Variants in RRAS2 observed in about 807,000 individuals in gnomAD.
RRAS2 encodes the protein RAS related 2.
Under a neutral mutation model 27.6 loss-of-function variants are expected in RRAS2, and 7 were observed. The ratio of observed to expected loss-of-function variants is 0.25; its 90% CI spans 0.14 to 0.48. The LOEUF is 0.48. RRAS2 is among the 20% of genes least tolerant of loss of function. RRAS2 has a pLI of 0.99. For missense variants in RRAS2, 178 were observed against 256.2 expected, an observed-to-expected ratio of 0.69 and a Z score of 2.08; for synonymous variants, 86 against 90.9, an observed-to-expected ratio of 0.95 and a Z score of 0.31.
intron 1 of RRAS2, among the ~76,000 whole-genome samples, chr11:14,328,696 C>T (rs1316769096): frequency 1.3e-5 from 2 of 151,272 alleles, no homozygotes; most frequent in Non-Finnish European, 2.9e-5. Context: ...AAGAGTTTCG[C>T]TCTTGTTGCC....
chr11:14,294,800 C>T lies in RRAS2; in HGVS notation c.259G>A (p.Glu87Lys), dbSNP rs1554946335. 5.6e-6 allele frequency: 9 copies of T among 1,613,752 alleles called. No individual in the cohort carries two copies. Among genetic ancestry groups the T allele is most frequent in the South Asian group, 2.2e-5 (2 of 91,064 alleles). Residue 87 changes from glutamate (E) to lysine (K), a missense_variant, in exon 3 of 6, where the codon GAA (glutamate) becomes AAA (lysine). Coordinates refer to ENST00000256196, the MANE Select transcript of RRAS2 (RefSeq NM_012250.6). ...ACTGAAAAGACCAACAGGAAGCCTT[C>T]GCCAGTCCTCATATACTGTTCTCTC... is the stretch of plus-strand genomic sequence containing the variant. ...AMREQYMRTG[E>K]GFLLVFSVTD...
At position 14,352,777 on chromosome 11, in the gene RRAS2, A is replaced by AGG. The variant is rs1373269092; in HGVS notation, c.108+5985_108+5986insCC. Among the ~76,000 whole-genome samples the AGG allele has an allele frequency of 2.0e-5, 3 of 148,786 alleles. No individual in the cohort carries two copies. The East Asian group carries it at 5.9e-4, about 29-fold the overall frequency. On this transcript the variant is annotated intron_variant, in intron 1 of 5. Transcript: ENST00000256196. ...TATATAGAGAGAGAGAGAGAGAGAG[A>AGG]GAGGGAGAGAGAGAGAGAGAGACAT...
chr11:14,292,714 C>G (rs535014692), intron 4 of RRAS2, among the ~76,000 whole-genome samples: 1 of 152,238 alleles, frequency 6.6e-6, no homozygotes, highest in South Asian at 2.1e-4. Flanking sequence ...TTTTTTCACT[C>G]TAACTTTATA....
At position 14,347,406 on chromosome 11, in the gene RRAS2, C is replaced by CA. The variant is rs782622778; in HGVS notation, c.108+11356dup. ...CAATTTTGGTTGTTGTAAATAAGGA[C>CA]AAAAAATGTACGAAAGGAGTGGGTA... On this transcript the variant is annotated intron_variant, in intron 1 of 5. Transcript: ENST00000256196. Among the ~76,000 whole-genome samples the CA allele has an allele frequency of 2.0e-4, 30 of 151,922 alleles. 1 individual carries two copies. Among genetic ancestry groups the CA allele is most frequent in the Non-Finnish European group, 4.3e-4 (29 of 67,972 alleles).
At chr11:14,354,758 C>T (rs562132567) in intron 1 of RRAS2, among the ~76,000 whole-genome samples, 6 of 146,196 alleles carry the variant, frequency 4.1e-5, no homozygotes, top group Non-Finnish European at 7.4e-5. Flanking sequence ...CTCACTGCGA[C>T]CTCCACCTCC....
Position 14,333,681 on chromosome 11 carries a change from G to A in RRAS2, c.108+25082C>T, listed in dbSNP as rs1032787515. ...TTTTTTTTGGAGACAGGTCTCTGTC[G>A]CCCAGGCTGGAGTGCAGTGGCAGCG... is the stretch of plus-strand genomic sequence containing the variant. On this transcript the variant is annotated intron_variant, in intron 1 of 5. Coordinates refer to ENST00000256196, the MANE Select transcript of RRAS2 (RefSeq NM_012250.6). Among the ~76,000 whole-genome samples the A allele has an allele frequency of 2.3e-5, 3 of 128,610 alleles. No homozygotes were observed. In the Admixed American group the frequency reaches 2.6e-4, roughly 11 times the overall value. The allele number at this position is 128,610 out of a possible 152,430, so 84.4% of individuals were successfully genotyped here.
intron 1 of RRAS2, among the ~76,000 whole-genome samples, chr11:14,318,010 C>G (rs548831752): frequency 6.6e-6 from 1 of 152,142 alleles, no homozygotes; most frequent in Non-Finnish European, 1.5e-5. Flanking sequence ...CATTTTCAAA[C>G]GGAGCAGGAA....
chr11:14,345,871 G>A (rs1409676238), intron 1 of RRAS2, among the ~76,000 whole-genome samples: 1 of 152,124 alleles, frequency 6.6e-6, no homozygotes, highest in Non-Finnish European at 1.5e-5. Context: ...AGTACCCCAA[G>A]GCAATTCTGA....
chr11:14,361,291 G>A (rs1159845936), upstream of RRAS2, among the ~76,000 whole-genome samples: 2 of 143,336 alleles, frequency 1.4e-5, no homozygotes, highest in African/African-American at 2.6e-5. Flanking sequence ...CGACAGAGCC[G>A]TCTCAAAAAA....
intron 1 of RRAS2, among the ~76,000 whole-genome samples, chr11:14,334,937 C>G (rs1848561395): frequency 6.6e-6 from 1 of 152,212 alleles, no homozygotes; most frequent in Admixed American, 6.5e-5. Context: ...TTCCTTCTTT[C>G]TCCTCCATCA....
Position 14,295,874 on chromosome 11 carries a change from CTT to C in RRAS2, c.109-21_109-20del, listed in dbSNP as rs1847533001. On this transcript the variant is annotated intron_variant, in intron 1 of 5. Coordinates refer to ENST00000256196, the MANE Select transcript of RRAS2 (RefSeq NM_012250.6). ...AATAGGACTGCAAGAAAAGAAAAAA[CTT>C]TATTTTAAAATTCATGGCCAGGCAT... The C allele has an allele frequency of 2.5e-6, 4 of 1,607,470 alleles. No homozygotes were observed. The highest frequency in any genetic ancestry group is 3.4e-6 in the Non-Finnish European group (4 of 1,176,750).
chr11:14,341,943 T>C, intron 1 of RRAS2: 2 of 453,812 alleles, frequency 4.4e-6, no homozygotes, highest in Admixed American at 5.2e-5. Flanking sequence ...GTCATTCTCA[T>C]GCATTTATAC....
At chr11:14,315,020 C>G (rs1459203636) in intron 1 of RRAS2, among the ~76,000 whole-genome samples, 4 of 152,134 alleles carry the variant, frequency 2.6e-5, no homozygotes, top group African/African-American at 9.7e-5. Context: ...ATTTAAATAG[C>G]CATGGTTTTT....
At chr11:14,301,483 G>A (rs879954693) in intron 1 of RRAS2, among the ~76,000 whole-genome samples, 8 of 150,888 alleles carry the variant, frequency 5.3e-5, no homozygotes, top group Non-Finnish European at 7.4e-5. Flanking sequence ...TATCTACTTC[G>A]TCTTTTATTT....
chr11:14,285,410 CAAT>C (rs1272119800), intron 4 of RRAS2, among the ~76,000 whole-genome samples: 5 of 152,172 alleles, frequency 3.3e-5, no homozygotes, highest in African/African-American at 1.2e-4. Flanking sequence ...TAGTTAACAA[CAAT>C]ATTTCTCCCT....
intron 2 of RRAS2, 94 bp downstream of exon 2, chr11:14,295,669 CTAATA>C (rs1847525445): frequency 3.3e-6 from 3 of 902,412 alleles, no homozygotes; most frequent in Non-Finnish European, 5.0e-6. Flanking sequence ...TCCAGATCAT[CTAATA>C]TTTCAAATAT....
chr11:14,289,318 G>A (rs572092232), intron 4 of RRAS2, among the ~76,000 whole-genome samples: 91 of 152,314 alleles, frequency 6.0e-4, no homozygotes, highest in Admixed American at 3.7e-3. Context: ...AGGTAAGCCA[G>A]GAGAAAGATG....
chr11:14,303,773 C>T (rs1490017330), intron 1 of RRAS2, among the ~76,000 whole-genome samples: 4 of 152,274 alleles, frequency 2.6e-5, no homozygotes, highest in African/African-American at 9.6e-5. Context: ...ATCTCTTCTA[C>T]CCACAACAAG....
chr11:14,322,241 G>A (rs928819872), intron 1 of RRAS2, among the ~76,000 whole-genome samples: 62 of 151,566 alleles, frequency 4.1e-4, no homozygotes, highest in African/African-American at 1.5e-3. Context: ...GACCAGCCTG[G>A]GCAACATGGT....
Sources: allele counts gnomAD v4.1 joint callset (sites outside exome capture counted in the v4.1 genomes callset), GRCh38; gene constraint gnomAD v4.1.1; transcripts MANE v1.5; gene names NCBI Gene and HGNC (gene_info 2026-07-23, HGNC 2026-07-21).